ADCK1: variants seen among roughly 807,000 people sequenced by gnomAD.
ADCK1 encodes the protein aarF domain-containing protein kinase 1.
ADCK1 carries 41 observed loss-of-function variants against 52.3 expected under a neutral mutation model. That is an observed-to-expected ratio of 0.78 (90% confidence interval 0.61 to 1.02). The LOEUF is 1.02. Ranked by LOEUF, ADCK1 falls within the 50% of genes least tolerant of loss-of-function variation. The probability of loss-of-function intolerance (pLI) is 0.00; values close to 1 mark genes in which losing one functional copy is unlikely to be tolerated. For synonymous variants in ADCK1, 250 were observed against 274.6 expected (o/e 0.91, Z 0.89); for missense variants, 658 against 679.5 (o/e 0.97, Z 0.35).
chr14:77,856,835 C>T (rs2082426830), intron 3 of ADCK1, among the ~76,000 whole-genome samples: 1 of 152,068 alleles, frequency 6.6e-6, no homozygotes, highest in South Asian at 2.1e-4. Flanking sequence ...GAAACCTCAT[C>T]TCTGCTAAAA....
At chr14:77,836,560 G>A (rs117686074) in intron 3 of ADCK1, among the ~76,000 whole-genome samples, 1 of 152,202 alleles carries the variant, frequency 6.6e-6, no homozygotes, top group East Asian at 1.9e-4. Flanking sequence ...CCACAAATTG[G>A]GTGGTTTAAG....
At chr14:77,882,601 G>A (rs1388206004) in intron 4 of ADCK1, among the ~76,000 whole-genome samples, 1 of 152,198 alleles carries the variant, frequency 6.6e-6, no homozygotes, top group African/African-American at 2.4e-5. Flanking sequence ...CTTCCCTGAG[G>A]GCCCTGAGGC....
intron 7 of ADCK1, among the ~76,000 whole-genome samples, chr14:77,916,380 T>A (rs547524746): frequency 6.6e-4 from 101 of 152,270 alleles, no homozygotes; most frequent in South Asian, 1.7e-3. Context: ...AGAGAAGCTT[T>A]CACTAGGTAC....
intron 9 of ADCK1, among the ~76,000 whole-genome samples, chr14:77,927,730 G>A (rs2084229662): frequency 6.6e-6 from 1 of 152,210 alleles, no homozygotes. Context: ...GGAAGAACTT[G>A]AAGGACACAT....
chr14:77,800,632 G>A (rs2081089233), intron 1 of ADCK1, among the ~76,000 whole-genome samples: 1 of 152,204 alleles, frequency 6.6e-6, no homozygotes, highest in Non-Finnish European at 1.5e-5. Flanking sequence ...CCTCCACCCG[G>A]TCTTGCGAAC....
At position 77,853,063 on chromosome 14, in the gene ADCK1, T is replaced by A. The variant is rs1457977070; in HGVS notation, c.220-6013T>A. On this transcript the variant is annotated intron_variant, in intron 3 of 10. Transcript: ENST00000238561. ...CACCATGCCTGGCCTGATATTTTTT[T>A]CCCCCTGCAATGTCTAATCTGCCAT... is the stretch of plus-strand genomic sequence containing the variant. Among the ~76,000 whole-genome samples, 13 of 145,920 alleles carry A rather than the reference T, an allele frequency of 8.9e-5. No homozygotes were observed. The South Asian group carries it at 1.5e-3, about 17-fold the overall frequency.
intron 3 of ADCK1, among the ~76,000 whole-genome samples, chr14:77,826,917 C>T (rs1334321919): frequency 2.0e-5 from 3 of 152,086 alleles, no homozygotes; most frequent in East Asian, 1.9e-4. Flanking sequence ...CTGGCCAGTG[C>T]GCAGGACTTT....
In ADCK1 at chr14:77,817,503, T is replaced by G. The variant is rs188423256; in HGVS notation, c.-11-1465T>G. The stretch of plus-strand genomic sequence containing the variant: ...CTCAGGAATTGAAGGGGAAGCACTC[T>G]GTTGGGTGCACTGGCCGCAAAGAGT... On this transcript the variant is annotated intron_variant, in intron 1 of 10. Transcript: ENST00000238561. Among the ~76,000 whole-genome samples the G allele has an allele frequency of 9.5e-4, 144 of 152,280 alleles. 1 individual carries two copies. Among genetic ancestry groups the G allele is most frequent in the African/African-American group, 3.2e-3 (135 of 41,560 alleles).
At chr14:77,908,102 C>T in intron 7 of ADCK1, 183 bp downstream of exon 7, 1 of 533,442 alleles carries the variant, frequency 1.9e-6, no homozygotes, top group East Asian at 3.3e-5. Flanking sequence ...TTAGGCCAGC[C>T]CTGTGCACAC....
rs781704374 is a variant in ADCK1, at chr14:77,924,538, G to C, written c.940G>C (p.Val314Leu). ...GCACTGCGATCCCCACCCCGGCAATGTACTGGTGCGGAAGCACCCCGGCAC... is the reference window on the plus strand; with the variant it reads ...GCACTGCGATCCCCACCCCGGCAATCTACTGGTGCGGAAGCACCCCGGCAC... ...FVHCDPHPGN[V>L]LVRKHPGTGK... The change falls in exon 8 of 11, where the codon GTA (valine) becomes CTA (leucine). Residue 314 changes from valine to leucine, a missense_variant. Physicochemically the swap from Val to Leu is conservative, Grantham distance 32 (BLOSUM62 1). Coordinates refer to ENST00000238561, the MANE Select transcript of ADCK1 (RefSeq NM_020421.4). 1 of 1,613,944 alleles carries C rather than the reference G, an allele frequency of 6.2e-7. No individual in the cohort carries two copies. The highest frequency in any genetic ancestry group is 8.5e-7 in the Non-Finnish European group (1 of 1,180,050).
intron 6 of ADCK1, among the ~76,000 whole-genome samples, chr14:77,903,782 C>G (rs1161148528): frequency 6.6e-6 from 1 of 152,132 alleles, no homozygotes; most frequent in Non-Finnish European, 1.5e-5. Context: ...TGGACAAACC[C>G]TGAGGAGATG....
At position 77,922,245 on chromosome 14, in the gene ADCK1, T is replaced by A. The variant is rs888382412; in HGVS notation, c.859-2212T>A. On this transcript the variant is annotated intron_variant, in intron 7 of 10. Coordinates refer to ENST00000238561, the MANE Select transcript of ADCK1 (RefSeq NM_020421.4). The stretch of plus-strand genomic sequence containing the variant: ...GCCCCCTCTCCAGGGAAGCAGACAG[T>A]GGTGGCCCTGGGGCATCTGGCATCT... Among the ~76,000 whole-genome samples, 88 of 152,000 alleles carry A rather than the reference T, an allele frequency of 5.8e-4. 1 individual carries two copies. Among genetic ancestry groups the A allele is most frequent in the African/African-American group, 2.0e-3 (82 of 41,368 alleles).
intron 3 of ADCK1, among the ~76,000 whole-genome samples, chr14:77,825,983 G>T (rs912425223): frequency 1.3e-5 from 2 of 152,210 alleles, no homozygotes; most frequent in African/African-American, 4.8e-5. Flanking sequence ...TGCAGAGGAG[G>T]CAGGCGATGG....
chr14:77,821,224 A>C (rs570490000), intron 2 of ADCK1: 36 of 151,642 alleles, frequency 2.4e-4, no homozygotes, highest in African/African-American at 8.2e-4. Flanking sequence ...ATGGAATCTT[A>C]GAGATTTGAA....
intron 3 of ADCK1, among the ~76,000 whole-genome samples, chr14:77,854,555 CT>C (rs60062127): frequency 8.6e-5 from 11 of 128,586 alleles, no homozygotes; most frequent in East Asian, 2.2e-4. Flanking sequence ...TCGGAGTGGG[CT>C]TTTTTTTTTT....
chr14:77,802,264 G>T (rs1212008916), intron 1 of ADCK1, among the ~76,000 whole-genome samples: 1 of 151,926 alleles, frequency 6.6e-6, no homozygotes, highest in Non-Finnish European at 1.5e-5. Context: ...TAAGTGCTTG[G>T]TACTGTAGCT....
At chr14:77,860,942 G>A (rs7140153) in intron 4 of ADCK1, among the ~76,000 whole-genome samples, 4,846 of 152,304 alleles carry the variant, frequency 0.032, 145 homozygotes, top group South Asian at 0.12. Flanking sequence ...AGCTGGGGAG[G>A]GAGGTGGGAC....
chr14:77,878,799 C>A (rs1208154619), intron 4 of ADCK1, among the ~76,000 whole-genome samples: 1 of 152,134 alleles, frequency 6.6e-6, no homozygotes, highest in Non-Finnish European at 1.5e-5. Flanking sequence ...ATGGGGAATG[C>A]TGAAAGATTA....
chr14:77,821,122 C>G (rs999575380), intron 2 of ADCK1: 1 of 151,958 alleles, frequency 6.6e-6, no homozygotes, highest in Non-Finnish European at 1.5e-5. Context: ...ATTGAGATAA[C>G]TCAATACCTT....
Sources: gnomAD v4.1 joint callset for allele counts (sites outside exome capture counted in the v4.1 genomes callset) on GRCh38, gnomAD v4.1.1 for gene constraint, MANE v1.5 for transcripts, NCBI Gene and HGNC (gene_info 2026-07-23, HGNC 2026-07-21) for gene names.